Variants in NEO1 observed in about 807,000 individuals in gnomAD.
NEO1 encodes neogenin 1, also known as neogenin.
In NEO1, 63 loss-of-function variants were observed where a neutral mutation model predicts 159.7. That is an observed-to-expected ratio of 0.39 (90% confidence interval 0.32 to 0.49). The LOEUF is 0.49. Ranked by LOEUF, NEO1 falls within the 20% of genes least tolerant of loss-of-function variation. The pLI, the probability that NEO1 is intolerant of heterozygous loss-of-function variation, is 0.85. For synonymous variants in NEO1, 633 were observed against 662.0 expected, an observed-to-expected ratio of 0.96 and a Z score of 0.67; for missense variants, 1,615 against 1,831.0, an observed-to-expected ratio of 0.88 and a Z score of 2.15.
intron 5 of NEO1, among the ~76,000 whole-genome samples, chr15:73,168,211 A>G (rs1424086290): frequency 6.6e-6 from 1 of 151,856 alleles, no homozygotes; most frequent in African/African-American, 2.4e-5. Context: ...TATTTTTGAG[A>G]TGGAGTCTCC....
intron 5 of NEO1, among the ~76,000 whole-genome samples, chr15:73,152,177 C>T (rs1051771935): frequency 1.8e-4 from 27 of 152,318 alleles, no homozygotes; most frequent in African/African-American, 6.3e-4. Context: ...TTACAGTCTT[C>T]TCTTATGTTG....
At chr15:73,061,002 A>G (rs2067950300) in intron 1 of NEO1, among the ~76,000 whole-genome samples, 3 of 152,116 alleles carry the variant, frequency 2.0e-5, no homozygotes, top group Admixed American at 1.3e-4. Flanking sequence ...TATGCAACCT[A>G]CCTCCGGAAT....
At chr15:73,173,522 G>A (rs1021585877) in intron 5 of NEO1, among the ~76,000 whole-genome samples, 3 of 152,092 alleles carry the variant, frequency 2.0e-5, no homozygotes, top group Non-Finnish European at 4.4e-5. Context: ...AGTAAGTCTA[G>A]TTTGTTTCGT....
intron 7 of NEO1, among the ~76,000 whole-genome samples, chr15:73,211,309 G>C (rs560287095): frequency 2.0e-5 from 3 of 152,310 alleles, no homozygotes; most frequent in South Asian, 4.1e-4. Context: ...TGCCCTCCCA[G>C]CTTTCCGCTT....
chr15:73,156,721 G>A (rs2033806836), intron 5 of NEO1, among the ~76,000 whole-genome samples: 1 of 152,202 alleles, frequency 6.6e-6, no homozygotes, highest in African/African-American at 2.4e-5. Context: ...TGCTTGCACA[G>A]GTGTCCCAGA....
intron 11 of NEO1, among the ~76,000 whole-genome samples, chr15:73,252,773 T>A (rs564376183): frequency 6.6e-6 from 1 of 152,172 alleles, no homozygotes; most frequent in Admixed American, 6.5e-5. Context: ...ATGGATCACC[T>A]GAGGTCAGGA....
chr15:73,070,112 T>C (rs577101115), intron 1 of NEO1, among the ~76,000 whole-genome samples: 2 of 152,240 alleles, frequency 1.3e-5, no homozygotes, highest in Non-Finnish European at 2.9e-5. Flanking sequence ...CTTCATTTTA[T>C]ATCCAACAAG....
chr15:73,258,999 G>A (rs151221093), intron 14 of NEO1, 123 bp downstream of exon 14: 79 of 745,340 alleles, frequency 1.1e-4, no homozygotes, highest in African/African-American at 9.9e-4. Flanking sequence ...AGTGCATCAC[G>A]CTGCTGTTGT....
intron 1 of NEO1, among the ~76,000 whole-genome samples, chr15:73,075,520 A>G (rs2068728353): frequency 6.6e-6 from 1 of 152,190 alleles, no homozygotes; most frequent in South Asian, 2.1e-4. Context: ...GCAGACATGC[A>G]CTTTCAGTTG....
intron 7 of NEO1, among the ~76,000 whole-genome samples, chr15:73,200,844 C>T (rs1209677373): frequency 3.3e-5 from 5 of 151,594 alleles, no homozygotes. Context: ...CCACCATGCC[C>T]GGCTAATTTT....
intron 7 of NEO1, among the ~76,000 whole-genome samples, chr15:73,234,030 C>A (rs1035624791): frequency 6.6e-6 from 1 of 152,156 alleles, no homozygotes; most frequent in African/African-American, 2.4e-5. Flanking sequence ...TGGGCTCTTT[C>A]CGGTATGCTC....
chr15:73,284,296 T>C (rs146877617), intron 23 of NEO1, among the ~76,000 whole-genome samples: 1 of 152,334 alleles, frequency 6.6e-6, no homozygotes, highest in African/African-American at 2.4e-5. Flanking sequence ...GAAATTCATG[T>C]TTATGTGATT....
chr15:73,087,963 G>GT (rs550433671), intron 1 of NEO1, among the ~76,000 whole-genome samples: 2 of 151,728 alleles, frequency 1.3e-5, no homozygotes, highest in African/African-American at 2.4e-5. Context: ...TCTTTTATGT[G>GT]TTTTTTTCCT....
At chr15:73,125,103 TGAGATCACTACTCAACATC>T in intron 3 of NEO1, among the ~76,000 whole-genome samples, 1 of 152,182 alleles carries the variant, frequency 6.6e-6, no homozygotes, top group Non-Finnish European at 1.5e-5. Flanking sequence ...TGTCAAAAGG[TGAGATCACTACTCAACATC>T]TGAAACGAAA....
At chr15:73,090,087 A>G (rs1230109219) in intron 1 of NEO1, among the ~76,000 whole-genome samples, 1 of 152,238 alleles carries the variant, frequency 6.6e-6, no homozygotes, top group Non-Finnish European at 1.5e-5. Context: ...GTAGCTGTTC[A>G]AAATAATGAG....
intron 4 of NEO1, among the ~76,000 whole-genome samples, chr15:73,135,684 A>G (rs1447414032): frequency 6.6e-6 from 1 of 152,204 alleles, no homozygotes; most frequent in Non-Finnish European, 1.5e-5. Context: ...TTTGATTTGC[A>G]TTTGTGATAT....
intron 22 of NEO1, among the ~76,000 whole-genome samples, chr15:73,281,201 CA>C (rs35808353): frequency 0.013 from 1,486 of 118,578 alleles, 21 homozygotes; most frequent in East Asian, 0.054. Context: ...GAGCGAGACT[CA>C]AAAAAAAAAA....
At chr15:73,161,836 A>ATTCT (rs2034202462) in intron 5 of NEO1, 1 of 260,566 alleles carries the variant, frequency 3.8e-6, no homozygotes. Context: ...TCCAGAAGCA[A>ATTCT]TTCTTTATAT....
chr15:73,096,506 A>G (rs2070043510), intron 1 of NEO1, among the ~76,000 whole-genome samples: 1 of 152,248 alleles, frequency 6.6e-6, no homozygotes, highest in African/African-American at 2.4e-5. Flanking sequence ...AAGAGCAAAG[A>G]TCATGGCAAC....
Sources: gnomAD v4.1 joint callset for allele counts (sites outside exome capture counted in the v4.1 genomes callset) on GRCh38, gnomAD v4.1.1 for gene constraint, MANE v1.5 for transcripts, NCBI Gene and HGNC (gene_info 2026-07-23, HGNC 2026-07-21) for gene names.